The following CAST variants were observed in gnomAD, a reference collection of about 807,000 sequenced individuals.
CAST encodes MIR583 host.
CAST carries 76 observed loss-of-function variants against 119.6 expected under a neutral mutation model. The ratio of observed to expected loss-of-function variants is 0.64; its 90% confidence interval spans 0.53 to 0.77. The LOEUF is 0.77. Among genes scored for constraint, CAST ranks in the 30% least tolerant of loss-of-function variants. The pLI is 0.00. For missense variants in CAST, 953 were observed against 946.5 expected, an observed-to-expected ratio of 1.01 and a Z score of -0.09; for synonymous variants, 319 against 331.6, an observed-to-expected ratio of 0.96 and a Z score of 0.41.
chr5:96,649,629 A>G (rs1426196234), intron 1 of CAST, among the ~76,000 whole-genome samples: 1 of 152,234 alleles, frequency 6.6e-6, no homozygotes, highest in African/African-American at 2.4e-5. Context: ...TGAAAGAGTC[A>G]TAGAACTGGA....
chr5:96,479,320 C>T, the CAST span, among the ~76,000 whole-genome samples: 4 of 152,178 alleles, frequency 2.6e-5, no homozygotes, highest in East Asian at 5.8e-4. Context: ...ACTAGCTCAA[C>T]AGAGCTCCTT....
chr5:96,725,064 A>G (rs776565269), intron 4 of CAST, among the ~76,000 whole-genome samples: 1 of 152,122 alleles, frequency 6.6e-6, no homozygotes, highest in African/African-American at 2.4e-5. Context: ...TTCTCTAAGC[A>G]TTAATCATGA....
At chr5:96,284,539 G>A in the CAST span, among the ~76,000 whole-genome samples, 9 of 152,308 alleles carry the variant, frequency 5.9e-5, no homozygotes, top group South Asian at 1.5e-3. Flanking sequence ...GACTTCCATC[G>A]GGGTAGTGTG....
chr5:96,123,889 T>A, the CAST span, among the ~76,000 whole-genome samples: 16 of 152,186 alleles, frequency 1.1e-4, no homozygotes, highest in Non-Finnish European at 2.2e-4. Context: ...TAGATTTTTT[T>A]TCCCCCTGCT....
At chr5:96,675,153 G>A (rs1580919900) in intron 1 of CAST, among the ~76,000 whole-genome samples, 1 of 152,178 alleles carries the variant, frequency 6.6e-6, no homozygotes, top group African/African-American at 2.4e-5. Flanking sequence ...GGACAATTGA[G>A]TCCATGCTGA....
At chr5:96,501,201 C>A in the CAST span, among the ~76,000 whole-genome samples, 1,044 of 152,074 alleles carry the variant, frequency 6.9e-3, 23 homozygotes, top group African/African-American at 0.024. Flanking sequence ...ATGAAAAGGC[C>A]TGAGACAACT....
chr5:96,052,293 G>A, the CAST span, among the ~76,000 whole-genome samples: 22 of 152,312 alleles, frequency 1.4e-4, no homozygotes, highest in South Asian at 1.7e-3. Context: ...GGCTAGATCG[G>A]TCAGACTCTT....
chr5:96,100,932 A>G, the CAST span, among the ~76,000 whole-genome samples: 1 of 152,158 alleles, frequency 6.6e-6, no homozygotes, highest in African/African-American at 2.4e-5. Context: ...GTATATATAT[A>G]TGTATTTTAA....
At chr5:96,233,229 G>A in the CAST span, among the ~76,000 whole-genome samples, 4 of 151,972 alleles carry the variant, frequency 2.6e-5, no homozygotes, top group Admixed American at 2.6e-4. Context: ...TTAATTCATG[G>A]ATACATATTT....
chr5:96,381,680 G>C, the CAST span, among the ~76,000 whole-genome samples: 28 of 152,314 alleles, frequency 1.8e-4, no homozygotes, highest in Admixed American at 3.9e-4. Context: ...AGGTGCGCTG[G>C]TGAGTGCAGC....
intron 1 of CAST, among the ~76,000 whole-genome samples, chr5:96,620,299 T>C (rs934844984): frequency 2.0e-4 from 31 of 151,940 alleles, no homozygotes; most frequent in Admixed American, 2.0e-3. Context: ...TTTTTTTTTT[T>C]TTTTGGTATT....
At position 96,555,274 on chromosome 5, in the gene CAST, C is replaced by T. The variant is rs559003559; in HGVS notation, c.60+25394C>T. Among the ~76,000 whole-genome samples, 3 of 152,278 alleles carry T rather than the reference C, an allele frequency of 2.0e-5. 1 individual carries two copies. The highest frequency in any genetic ancestry group is 4.4e-5 in the Non-Finnish European group (3 of 68,010). ...AGCCAAGATGGCTGAATAGGAACAG[C>T]TCCAGTCTACAGCTCCCAGCATGAG... On this transcript the variant is annotated intron_variant, in intron 1 of 11. Coordinates refer to the CAST transcript ENST00000505143.
chr5:96,658,601 T>A (rs1580860810), upstream of CAST, among the ~76,000 whole-genome samples: 1 of 152,214 alleles, frequency 6.6e-6, no homozygotes, highest in East Asian at 1.9e-4. Context: ...CAAAGAACAT[T>A]CAGGGGTTTT....
chr5:96,152,631 T>C, the CAST span, among the ~76,000 whole-genome samples: 8 of 152,238 alleles, frequency 5.3e-5, no homozygotes, highest in African/African-American at 1.9e-4. Flanking sequence ...TTCTGGTGAA[T>C]ACTAGGAAAA....
At chr5:96,097,462 A>G in the CAST span, among the ~76,000 whole-genome samples, 1 of 151,792 alleles carries the variant, frequency 6.6e-6, no homozygotes, top group Non-Finnish European at 1.5e-5. Flanking sequence ...AGTTCCCATT[A>G]GTTATTTTTC....
At chr5:96,203,319 A>C in the CAST span, among the ~76,000 whole-genome samples, 1 of 150,094 alleles carries the variant, frequency 6.7e-6, no homozygotes, top group Non-Finnish European at 1.5e-5. Flanking sequence ...CTATTCCACA[A>C]ATTTTTTTTT....
chr5:95,961,738 T>TGCC, the CAST span: 84 of 1,580,406 alleles, frequency 5.3e-5, no homozygotes, highest in South Asian at 6.8e-5. Context: ...CTCCCCGGGG[T>TGCC]GCCGCCGCCG....
chr5:96,171,557 A>G, the CAST span, among the ~76,000 whole-genome samples: 1 of 152,230 alleles, frequency 6.6e-6, no homozygotes, highest in African/African-American at 2.4e-5. Context: ...ACGTGGGTGA[A>G]TAATCAGGCA....
intron 15 of CAST, 42 bp downstream of exon 15, chr5:96,741,622 C>A: frequency 7.6e-7 from 1 of 1,317,650 alleles, no homozygotes; most frequent in Non-Finnish European, 1.1e-6. Context: ...TTTCCAGAGC[C>A]TGATCTAGCT....
Sources: allele counts gnomAD v4.1 joint callset (sites outside exome capture counted in the v4.1 genomes callset), GRCh38; gene constraint gnomAD v4.1.1; transcripts MANE v1.5; gene names NCBI Gene and HGNC (gene_info 2026-07-23, HGNC 2026-07-21).